P2RY14: variants seen among roughly 807,000 people sequenced by gnomAD.
P2RY14 encodes P2Y purinoceptor 14.
A neutral mutation model predicts 0.9 loss-of-function variants in P2RY14; 2 were observed. The ratio of observed to expected loss-of-function variants is 2.16; its 90% confidence interval spans 0.88 to 6.79. The LOEUF (loss-of-function observed/expected upper bound fraction) is 6.79, where lower values mean the gene tolerates loss of function less well. P2RY14 is among the 30% of genes most tolerant of loss of function. The pLI is 0.05. For synonymous variants in P2RY14, 158 were observed against 147.2 expected (o/e 1.07, Z -0.53); for missense variants, 378 against 400.1 (o/e 0.94, Z 0.47).
chr3:151,224,162 G>A (rs921637569), intron 1 of P2RY14, among the ~76,000 whole-genome samples: 3 of 152,120 alleles, frequency 2.0e-5, no homozygotes, highest in Non-Finnish European at 4.4e-5. Flanking sequence ...TTCAAATAAT[G>A]CTTTTATCAG....
intron 1 of P2RY14, among the ~76,000 whole-genome samples, chr3:151,263,738 G>A (rs542852685): frequency 1.4e-4 from 20 of 139,508 alleles, no homozygotes; most frequent in South Asian, 2.3e-4. Context: ...AGGCTACAGG[G>A]TTGGAATTCC....
At chr3:151,247,727 A>G (rs1458515494) in intron 1 of P2RY14, among the ~76,000 whole-genome samples, 1 of 149,470 alleles carries the variant, frequency 6.7e-6, no homozygotes, top group Non-Finnish European at 1.5e-5. Context: ...TAACCTGCAC[A>G]ATGTGCACAT....
chr3:151,275,863 T>A (rs565463217), intron 1 of P2RY14, among the ~76,000 whole-genome samples: 266 of 152,306 alleles, frequency 1.7e-3, no homozygotes, highest in Middle Eastern at 3.4e-3. Flanking sequence ...CTAGCTGTGC[T>A]GCTCAGACTT....
intron 1 of P2RY14, among the ~76,000 whole-genome samples, chr3:151,258,084 A>G (rs912327677): frequency 2.6e-5 from 4 of 152,160 alleles, no homozygotes; most frequent in African/African-American, 9.7e-5. Flanking sequence ...TACCATTCCA[A>G]TCTGTGGGTC....
At chr3:151,245,747 A>G (rs1208766444) in intron 1 of P2RY14, among the ~76,000 whole-genome samples, 4 of 117,214 alleles carry the variant, frequency 3.4e-5, no homozygotes, top group African/African-American at 9.7e-5. Context: ...CCTATTCAAC[A>G]TAGTGTTGGA....
At chr3:151,263,330 T>C (rs1169929315) in intron 1 of P2RY14, among the ~76,000 whole-genome samples, 1 of 152,214 alleles carries the variant, frequency 6.6e-6, no homozygotes, top group Non-Finnish European at 1.5e-5. Flanking sequence ...AGCATCTGTT[T>C]CATTTTAAAC....
At chr3:151,276,575 G>C (rs1374496627) in intron 1 of P2RY14, among the ~76,000 whole-genome samples, 1 of 152,162 alleles carries the variant, frequency 6.6e-6, no homozygotes, top group Non-Finnish European at 1.5e-5. Flanking sequence ...GGATATCCTG[G>C]GGCCAAATGG....
intron 2 of P2RY14, among the ~76,000 whole-genome samples, chr3:151,218,762 G>A (rs1217917729): frequency 6.6e-6 from 1 of 150,524 alleles, no homozygotes; most frequent in African/African-American, 2.5e-5. Flanking sequence ...AGTTACTTGG[G>A]AGGCTGAGGC....
Position 151,212,504 on chromosome 3 carries a change from T to C in P2RY14, c.*796A>G, listed in dbSNP as rs968232633. 1 of 152,208 alleles carries C rather than the reference T, an allele frequency of 6.6e-6. No homozygotes were observed. The highest frequency in any genetic ancestry group is 2.4e-5 in the African/African-American group (1 of 41,452). 9.4% of individuals were successfully genotyped at this position (152,208 alleles called of 1,614,324 possible). A position where few individuals can be genotyped will look rare whatever the true frequency, so the allele number is the denominator to read the frequency against. On this transcript the variant is annotated 3_prime_UTR_variant, in exon 3 of 3. Transcript: ENST00000309170. ...TGTCTTTTTCCCAGTCATCTTATTT[T>C]TCCCATACTATTGAACAGGGGAAGT...
At chr3:151,253,950 A>G (rs1452857349) in intron 1 of P2RY14, among the ~76,000 whole-genome samples, 2 of 151,100 alleles carry the variant, frequency 1.3e-5, no homozygotes, top group African/African-American at 4.9e-5. Context: ...CTTCTAGTCC[A>G]AGGAATGGAT....
At position 151,245,249 on chromosome 3, in the gene P2RY14, A is replaced by T. The variant is rs571900731; in HGVS notation, c.-132-25607T>A. ...ACTCCAATCAATAGAAAAAGAGGGA[A>T]TCCTCCCTAACTCATTTTATGAGGC... On this transcript the variant is annotated intron_variant, in intron 1 of 2. Coordinates refer to ENST00000309170, the MANE Select transcript of P2RY14 (RefSeq NM_014879.4). Among the ~76,000 whole-genome samples the T allele has an allele frequency of 3.3e-5, 5 of 152,318 alleles. No homozygotes were observed. In the South Asian group the frequency reaches 1.0e-3, roughly 32 times the overall value.
Position 151,227,821 on chromosome 3 carries a change from A to G in P2RY14, c.-132-8179T>C, listed in dbSNP as rs115544412. 2.9e-3 allele frequency among the ~76,000 whole-genome samples: 442 copies of G among 152,270 alleles called. 3 individuals carry two copies. Among genetic ancestry groups the G allele is most frequent in the African/African-American group, 0.01 (417 of 41,548 alleles). The stretch of plus-strand genomic sequence containing the variant: ...AGGGTTTCTCAGCCTTGGTACTGTT[A>G]ACTGTTTTTTTCGGTTTCAGTTCTT... On this transcript the variant is annotated intron_variant, in intron 1 of 2. Coordinates refer to ENST00000309170, the MANE Select transcript of P2RY14 (RefSeq NM_014879.4).
intron 1 of P2RY14, among the ~76,000 whole-genome samples, chr3:151,260,949 A>G (rs960564934): frequency 3.3e-5 from 5 of 152,122 alleles, no homozygotes; most frequent in Admixed American, 3.3e-4. Context: ...CCATCTCCCC[A>G]GACTGATTTC....
chr3:151,215,081 T>C (rs189035850), intron 2 of P2RY14, among the ~76,000 whole-genome samples: 1 of 152,232 alleles, frequency 6.6e-6, no homozygotes, highest in African/African-American at 2.4e-5. Context: ...GTATTTTTGG[T>C]ATGGGATTAT....
chr3:151,270,085 G>A, intron 1 of P2RY14: 1 of 217,310 alleles, frequency 4.6e-6, no homozygotes. Context: ...AGAAGATGAA[G>A]ATGATGATGA....
chr3:151,258,299 C>T (rs1738206538), intron 1 of P2RY14, among the ~76,000 whole-genome samples: 1 of 152,146 alleles, frequency 6.6e-6, no homozygotes, highest in African/African-American at 2.4e-5. Context: ...CTAGTTCTTC[C>T]CACTTTCTTT....
In P2RY14 at chr3:151,213,747, G is replaced by T. The variant is rs372538175; in HGVS notation, c.570C>A (p.Ile190=). Residue 190 remains isoleucine (I), a synonymous_variant, in exon 3 of 3, where the codon ATC becomes ATA. Coordinates refer to ENST00000309170, the MANE Select transcript of P2RY14 (RefSeq NM_014879.4). ...ACACAATCCAGAAGATGGCCACGAA[G>T]ATGTAGTTTGATGCTTTGTGCCACT... ...GRKWHKASNY[I]FVAIFWIVFL... 6.2e-7 allele frequency: 1 copy of T among 1,614,160 alleles called. No individual in the cohort carries two copies. Among genetic ancestry groups the T allele is most frequent in the South Asian group, 1.1e-5 (1 of 91,078 alleles).
At chr3:151,222,493 G>T (rs910524435) in intron 1 of P2RY14, among the ~76,000 whole-genome samples, 1 of 152,150 alleles carries the variant, frequency 6.6e-6, no homozygotes, top group Admixed American at 6.5e-5. Context: ...AGATCTTTCT[G>T]TGCTGTTCTT....
chr3:151,253,332 C>CG (rs902152589), intron 1 of P2RY14, among the ~76,000 whole-genome samples: 3 of 152,178 alleles, frequency 2.0e-5, no homozygotes, highest in Non-Finnish European at 2.9e-5. Flanking sequence ...AGGGGCCTTC[C>CG]GCTCTTACCC....
Sources: allele counts gnomAD v4.1 joint callset (sites outside exome capture counted in the v4.1 genomes callset), GRCh38; gene constraint gnomAD v4.1.1; transcripts MANE v1.5; gene names NCBI Gene and HGNC (gene_info 2026-07-23, HGNC 2026-07-21).